IQSEC3: variants seen among roughly 807,000 people sequenced by gnomAD.
IQSEC3 encodes IQ motif and SEC7 domain-containing protein 3.
In IQSEC3, 50 loss-of-function variants were observed where a neutral mutation model predicts 105.4. That is an observed-to-expected ratio of 0.47 (90% CI 0.38 to 0.60). IQSEC3 has a LOEUF of 0.60. Ranked by LOEUF, IQSEC3 falls within the 20% of genes least tolerant of loss-of-function variation. The pLI is 0.00. For missense variants in IQSEC3, 1,415 were observed against 1,630.0 expected, an observed-to-expected ratio of 0.87 and a Z score of 2.27; for synonymous variants, 708 against 746.0, an observed-to-expected ratio of 0.95 and a Z score of 0.83.
At chr12:141,495 C>G (rs947472168) in intron 5 of IQSEC3, 1 of 535,348 alleles carries the variant, frequency 1.9e-6, no homozygotes, top group Non-Finnish European at 3.3e-6. Flanking sequence ...TGAGTTCGCC[C>G]CAGGCCAGGC....
intron 5 of IQSEC3, among the ~76,000 whole-genome samples, chr12:147,273 C>T (rs1375539095): frequency 6.6e-6 from 1 of 152,154 alleles, no homozygotes; most frequent in Non-Finnish European, 1.5e-5. Flanking sequence ...TGTGACCAAG[C>T]AGGCCGTGAA....
rs55897487 is a variant in IQSEC3 at position 152,540 on chromosome 12, C to T, written c.2154-4485C>T. ...GTAGGGCTGGCTGTCTAGTGTACTT[C>T]AGTCTCATATGTAATAAAAACATAA... is the stretch of plus-strand genomic sequence containing the variant. On this transcript the variant is annotated intron_variant, in intron 5 of 13. Transcript: ENST00000538872. The surrounding 1 kb of genome is among the most constrained non-coding windows in gnomAD (Gnocchi z 4.8). Among the ~76,000 whole-genome samples the T allele has an allele frequency of 5.9e-3, 898 of 152,320 alleles. 5 individuals are homozygous for T. The highest frequency in any genetic ancestry group is 0.022 in the South Asian group (104 of 4,818).
At chr12:148,452 T>G (rs1418946571) in intron 5 of IQSEC3, 4 of 152,190 alleles carry the variant, frequency 2.6e-5, no homozygotes, top group Non-Finnish European at 4.4e-5. Flanking sequence ...AAGGGTAGTT[T>G]GAACTTAGTT....
At chr12:115,253 CTT>C (rs1194764009) in intron 2 of IQSEC3, among the ~76,000 whole-genome samples, 1 of 152,180 alleles carries the variant, frequency 6.6e-6, no homozygotes, top group African/African-American at 2.4e-5. Context: ...ATGTGGTAAA[CTT>C]GGGCCTGTGA....
At chr12:144,993 G>A (rs1268214390) in intron 5 of IQSEC3, among the ~76,000 whole-genome samples, 2 of 152,174 alleles carry the variant, frequency 1.3e-5, no homozygotes, top group Non-Finnish European at 2.9e-5. Context: ...CACCACACCT[G>A]GCTAATTGTT....
At chr12:159,871 T>C (rs1866824455) in intron 7 of IQSEC3, among the ~76,000 whole-genome samples, 1 of 152,198 alleles carries the variant, frequency 6.6e-6, no homozygotes, top group South Asian at 2.1e-4. Context: ...TGTTGGTGGA[T>C]CTCCTAGTCT....
At chr12:170,169 C>T (rs1015229880) in intron 12 of IQSEC3, among the ~76,000 whole-genome samples, 4 of 152,174 alleles carry the variant, frequency 2.6e-5, no homozygotes, top group African/African-American at 7.2e-5. Context: ...TGCCATCGTG[C>T]GTCCGTAATT....
intron 3 of IQSEC3, among the ~76,000 whole-genome samples, chr12:128,554 C>T (rs904265519): frequency 1.3e-5 from 2 of 152,164 alleles, no homozygotes; most frequent in African/African-American, 2.4e-5. Flanking sequence ...CCCACCGACC[C>T]GCCAAGCCTC....
intron 5 of IQSEC3, among the ~76,000 whole-genome samples, chr12:156,441 C>G (rs1866688005): frequency 6.6e-6 from 1 of 152,232 alleles, no homozygotes; most frequent in Non-Finnish European, 1.5e-5. Flanking sequence ...ATCACAGCCT[C>G]CCCTGAGGGC....
At chr12:153,298 G>C (rs1315259147) in intron 5 of IQSEC3, among the ~76,000 whole-genome samples, 1 of 152,092 alleles carries the variant, frequency 6.6e-6, no homozygotes, top group African/African-American at 2.4e-5. Flanking sequence ...CGCAAACAGT[G>C]ATCAGTGATT....
chr12:165,606 A>G (rs1867132533), intron 10 of IQSEC3, 73 bp downstream of exon 10: 2 of 1,569,780 alleles, frequency 1.3e-6, no homozygotes, highest in African/African-American at 2.7e-5. Flanking sequence ...GAGTTGAGGG[A>G]GAAGGGCTGG....
At chr12:90,739 A>C (rs1483260313) in intron 1 of IQSEC3, among the ~76,000 whole-genome samples, 1 of 152,184 alleles carries the variant, frequency 6.6e-6, no homozygotes, top group Admixed American at 6.5e-5. Context: ...TTCAGTCTTG[A>C]AACCATCCAG....
chr12:161,104 G>C (rs1303570094), intron 7 of IQSEC3, among the ~76,000 whole-genome samples: 4 of 152,204 alleles, frequency 2.6e-5, no homozygotes, highest in African/African-American at 9.7e-5. Context: ...AGCAGGCCGG[G>C]AGCTGCGTGT....
intron 2 of IQSEC3, among the ~76,000 whole-genome samples, chr12:99,422 T>C (rs1864349009): frequency 6.6e-6 from 1 of 152,218 alleles, no homozygotes; most frequent in African/African-American, 2.4e-5. Context: ...AAGGTGATTA[T>C]GCCCTGTCGA....
intron 2 of IQSEC3, among the ~76,000 whole-genome samples, chr12:122,637 G>C (rs1189919828): frequency 1.3e-5 from 2 of 152,182 alleles, no homozygotes; most frequent in African/African-American, 4.8e-5. Context: ...TGGGCCACTG[G>C]GGCTCGATCC....
chr12:169,974 C>T (rs1302250625), intron 12 of IQSEC3, among the ~76,000 whole-genome samples: 9 of 152,234 alleles, frequency 5.9e-5, no homozygotes, highest in Non-Finnish European at 8.8e-5. Flanking sequence ...AGCTGAGAAG[C>T]TCCAGTGGGC....
In IQSEC3 at chr12:138,421, T is replaced by G. The variant is rs1448451909; in HGVS notation, c.1058T>G (p.Leu353Arg). Reference protein sequence around the residue: ...LESRLPRRISLRKVRSPTAES... With the variant: ...LESRLPRRISRRKVRSPTAES... ...AGCCGCCTGCCACGGCGGATCTCCC[T>G]GCGCAAGGTGCGGTCACCCACGGCC... is the stretch of plus-strand genomic sequence containing the variant. The change falls in exon 4 of 14, where the codon CTG becomes CGG. Residue 353 changes from leucine (L) to arginine (R), a missense_variant. Leu to Arg is a moderately radical substitution (Grantham distance 102). Transcript: ENST00000538872. The surrounding 1 kb of genome is among the most constrained non-coding windows in gnomAD (Gnocchi z 7.1). The G allele has an allele frequency of 1.4e-5, 23 of 1,608,104 alleles. No individual in the cohort carries two copies. Among genetic ancestry groups the G allele is most frequent in the Non-Finnish European group, 1.9e-5 (23 of 1,179,768 alleles).
intron 1 of IQSEC3, among the ~76,000 whole-genome samples, chr12:93,605 G>A (rs1483474237): frequency 2.0e-5 from 3 of 152,180 alleles, no homozygotes; most frequent in African/African-American, 7.2e-5. Context: ...CTCTGCCCAC[G>A]GTCTCAGTAT....
At chr12:102,874 A>G (rs1864475065) in intron 2 of IQSEC3, among the ~76,000 whole-genome samples, 1 of 152,218 alleles carries the variant, frequency 6.6e-6, no homozygotes, top group Non-Finnish European at 1.5e-5. Context: ...AAGCCCTGCG[A>G]AGCTGGATAA....
Sources: gnomAD v4.1 joint callset for allele counts (sites outside exome capture counted in the v4.1 genomes callset) on GRCh38, gnomAD v4.1.1 for gene constraint, Gnocchi (gnomAD v3.1) non-coding constraint, MANE v1.5 for transcripts, NCBI Gene and HGNC (gene_info 2026-07-23, HGNC 2026-07-21) for gene names.